IARS1: variants seen among roughly 807,000 people sequenced by gnomAD.
The protein encoded by IARS1 is isoleucine--tRNA ligase, cytoplasmic.
IARS1 carries 124 observed loss-of-function variants against 168.2 expected under a neutral mutation model. That is an observed-to-expected ratio of 0.74 (90% CI 0.64 to 0.86). IARS1 has a LOEUF of 0.86. IARS1 is among the 40% of genes least tolerant of loss of function. The pLI is 0.00. For synonymous variants in IARS1, 532 were observed against 529.4 expected (o/e 1.00, Z -0.07); for missense variants, 1,452 against 1,515.8 (o/e 0.96, Z 0.70).
chr9:92,274,506 C>T lies in IARS1; in HGVS notation c.910G>A (p.Ala304Thr), dbSNP rs765281263. Reference sequence around the variant, plus strand: ...TAGTTGTCAACAAGCACAGTGAAAGCGCCATTCTCTTTACACTGGAAAGAA... The same window carrying T: ...TAGTTGTCAACAAGCACAGTGAAAGTGCCATTCTCTTTACACTGGAAAGAA... ...DYFLKCKENG[A>T]FTVLVDNYVK... is the part of the protein sequence containing the mutation. The change falls in exon 10 of 34, where the codon GCT (alanine) becomes ACT (threonine). Residue 304 changes from alanine (A) to threonine (T), a missense_variant. Transcript: ENST00000443024. The T allele has an allele frequency of 2.7e-5, 44 of 1,613,242 alleles. No homozygotes were observed. The highest frequency in any genetic ancestry group is 1.2e-4 in the South Asian group (11 of 91,078).
intron 33 of IARS1, among the ~76,000 whole-genome samples, chr9:92,211,280 T>A (rs1837706636): frequency 6.6e-6 from 1 of 152,120 alleles, no homozygotes; most frequent in South Asian, 2.1e-4. Flanking sequence ...GCTTCCCTGG[T>A]TGGTAATATA....
At position 92,247,566 on chromosome 9, in the gene IARS1, C is replaced by G. The variant is rs768529554; in HGVS notation, c.2617-15G>C. The G allele has an allele frequency of 1.2e-6, 2 of 1,604,516 alleles. No homozygotes were observed. The highest frequency in any genetic ancestry group is 1.1e-5 in the South Asian group (1 of 89,948). ...ACATTGAGTTCCTACAGTTAATGCA[C>G]AAGAGGAAACAAAAATGAGAAATGA... On this transcript the variant is annotated splice_polypyrimidine_tract_variant and intron_variant, in intron 25 of 33. Transcript: ENST00000443024.
chr9:92,241,402 G>A (rs752812257), intron 29 of IARS1, among the ~76,000 whole-genome samples: 1 of 152,048 alleles, frequency 6.6e-6, no homozygotes, highest in Non-Finnish European at 1.5e-5. Context: ...ATCGAGTGCA[G>A]TGATGCAATC....
Position 92,273,091 on chromosome 9 carries a change from C to T in IARS1, c.990+1335G>A, listed in dbSNP as rs149815864. Reference sequence around the variant, plus strand: ...AGATTGCAGTGAGCCGAGATCCTGCCACTGCACTCCAGCCTGGGTGACAGA... The same window carrying T: ...AGATTGCAGTGAGCCGAGATCCTGCTACTGCACTCCAGCCTGGGTGACAGA... On this transcript the variant is annotated intron_variant, in intron 10 of 33. Coordinates refer to ENST00000443024, the MANE Select transcript of IARS1 (RefSeq NM_002161.6). Among the ~76,000 whole-genome samples, 933 of 148,412 alleles carry T rather than the reference C, an allele frequency of 6.3e-3. 9 individuals are homozygous for T. Among genetic ancestry groups the T allele is most frequent in the African/African-American group, 0.022 (865 of 40,070 alleles).
chr9:92,225,033 C>T (rs574853233), intron 31 of IARS1, among the ~76,000 whole-genome samples: 6 of 152,228 alleles, frequency 3.9e-5, no homozygotes, highest in African/African-American at 1.4e-4. Context: ...ATCCCACCTA[C>T]CAACAGCGGG....
At chr9:92,286,764 C>T (rs1326118101) in intron 4 of IARS1, 146 bp from the exon 5 acceptor site, 2 of 518,184 alleles carry the variant, frequency 3.9e-6, no homozygotes, top group Non-Finnish European at 3.4e-6. Flanking sequence ...CTGCCAACAA[C>T]ATATTATGTA....
chr9:92,265,866 C>G (rs1343776700), intron 14 of IARS1, among the ~76,000 whole-genome samples: 1 of 152,134 alleles, frequency 6.6e-6, no homozygotes, highest in East Asian at 1.9e-4. Context: ...GCCATGCTGC[C>G]CAGGCTGGTC....
chr9:92,222,462 T>C lies in IARS1; in HGVS notation c.3706+58A>G, dbSNP rs1055215783. 5 of 1,457,668 alleles carry C rather than the reference T, an allele frequency of 3.4e-6. No homozygotes were observed. The African/African-American group carries it at 4.2e-5, about 12-fold the overall frequency. 90.3% of individuals were successfully genotyped at this position (1,457,668 alleles called of 1,614,324 possible). On this transcript the variant is annotated intron_variant, in intron 33 of 33. Transcript: ENST00000443024. ...ACATGTATATGCTACAAATGGTTAA[T>C]GGCATCAAAATCTACTTTCAACAAA...
intron 30 of IARS1, among the ~76,000 whole-genome samples, chr9:92,235,511 TG>T (rs1827357157): frequency 6.8e-6 from 1 of 147,378 alleles, no homozygotes; most frequent in Non-Finnish European, 1.5e-5. Flanking sequence ...ATAATTACAT[TG>T]ATTTTTTTTT....
chr9:92,270,395 G>A (rs1832852459), intron 12 of IARS1, among the ~76,000 whole-genome samples: 1 of 152,132 alleles, frequency 6.6e-6, no homozygotes, highest in South Asian at 2.1e-4. Context: ...AAATTTTAGA[G>A]ATGCTTCTCA....
intron 31 of IARS1, among the ~76,000 whole-genome samples, chr9:92,225,327 T>C (rs1011744454): frequency 8.5e-5 from 13 of 152,194 alleles, no homozygotes; most frequent in African/African-American, 2.9e-4. Context: ...AAGTGTGGCA[T>C]TATGTATTAA....
intron 30 of IARS1, among the ~76,000 whole-genome samples, chr9:92,231,680 G>A (rs1016679876): frequency 2.6e-5 from 4 of 151,084 alleles, no homozygotes; most frequent in Admixed American, 6.6e-5. Context: ...TGCCTGCATC[G>A]GCCTCCAAAA....
At chr9:92,260,605 A>C (rs772503410) in intron 17 of IARS1, among the ~76,000 whole-genome samples, 4 of 152,172 alleles carry the variant, frequency 2.6e-5, no homozygotes, top group Non-Finnish European at 4.4e-5. Context: ...AAGTGAGCCA[A>C]GATCGCGCCA....
chr9:92,260,194 C>CT lies in IARS1; in HGVS notation c.1827dup (p.Asp610ArgfsTer12). The CT allele has an allele frequency of 6.2e-7, 1 of 1,614,132 alleles. No individual in the cohort carries two copies. On this transcript the variant is annotated frameshift_variant, in exon 18 of 34. Transcript: ENST00000443024. LOFTEE classifies it high-confidence loss of function. ...TACTTCTGGATGATGGAAACTGGAT[C>CT]TGGATAATTCTTTTTCCGTTTGCTC...
At chr9:92,251,015 G>T in intron 22 of IARS1, 181 bp from the exon 23 acceptor site, 6 of 662,438 alleles carry the variant, frequency 9.1e-6, no homozygotes, top group Non-Finnish European at 1.6e-5. Flanking sequence ...AAGCATAGCT[G>T]CAGGACTGTA....
At chr9:92,239,827 C>T (rs1828100438) in intron 30 of IARS1, among the ~76,000 whole-genome samples, 1 of 152,052 alleles carries the variant, frequency 6.6e-6, no homozygotes, top group Non-Finnish European at 1.5e-5. Context: ...CCCCACTTGG[C>T]CTTTGCTAAT....
chr9:92,249,924 A>G lies in IARS1; in HGVS notation c.2550T>C (p.Ile850=), dbSNP rs369345893. The G allele has an allele frequency of 4.2e-5, 67 of 1,603,068 alleles. No individual in the cohort carries two copies. The highest frequency in any genetic ancestry group is 5.1e-5 in the Non-Finnish European group (60 of 1,170,550). The change falls in exon 25 of 34, where the codon ATT becomes ATC. Residue 850 remains isoleucine, a synonymous_variant. Coordinates refer to ENST00000443024, the MANE Select transcript of IARS1 (RefSeq NM_002161.6). ...TIPIKYPLKE[I]VVIHQDPEAL... ...CTTCTGGATCTTGATGGATAACCAC[A>G]ATTTCTTTCAAAGGATACTAGGAGG...
intron 33 of IARS1, among the ~76,000 whole-genome samples, chr9:92,221,524 G>A (rs989500335): frequency 6.6e-6 from 1 of 152,200 alleles, no homozygotes; most frequent in Non-Finnish European, 1.5e-5. Context: ...ATATTAAAGT[G>A]AACATGTCTG....
rs1167723780 is a variant in IARS1 at position 92,278,241 on chromosome 9, G to A, written c.791C>T (p.Ser264Leu). The A allele has an allele frequency of 1.9e-6, 3 of 1,612,472 alleles. No homozygotes were observed. In the African/African-American group the frequency reaches 4.0e-5, roughly 22 times the overall value. ...RLLILMEARLSALYKLESDYE... is the reference protein window; with the variant it reads ...RLLILMEARLLALYKLESDYE... Reference sequence around the variant, plus strand: ...GTCACTCTCCAATTTATAGAGGGCTGACAATCTGGCTTCCATTAAAATGAG... The same window carrying A: ...GTCACTCTCCAATTTATAGAGGGCTAACAATCTGGCTTCCATTAAAATGAG... Residue 264 changes from serine (S) to leucine (L), a missense_variant, in exon 8 of 34, where the codon TCA (serine) becomes TTA (leucine). Transcript: ENST00000443024.
Sources: allele counts gnomAD v4.1 joint callset (sites outside exome capture counted in the v4.1 genomes callset), GRCh38; gene constraint gnomAD v4.1.1; transcripts MANE v1.5; gene names NCBI Gene and HGNC (gene_info 2026-07-23, HGNC 2026-07-21).